Variants in PLXNB3 observed in about 807,000 individuals in gnomAD.
PLXNB3 encodes the protein plexin B3.
PLXNB3 carries 80 observed loss-of-function variants against 125.7 expected under a neutral mutation model. The observed-to-expected ratio is 0.64, with a 90% CI of 0.53 to 0.77. The LOEUF (loss-of-function observed/expected upper bound fraction) is 0.77, where lower values mean the gene tolerates loss of function less well. Among genes scored for constraint, PLXNB3 ranks in the 30% least tolerant of loss-of-function variants. PLXNB3 has a pLI of 0.00. For missense variants in PLXNB3, 1,836 were observed against 1,729.3 expected (o/e 1.06, Z -1.09); for synonymous variants, 954 against 783.3 (o/e 1.22, Z -3.64).
In PLXNB3 at chrX:153,775,947, G is replaced by A; in HGVS notation, c.4462G>A (p.Gly1488Ser). Residue 1488 changes from glycine (G) to serine (S), a missense_variant, in exon 27 of 36, where the codon GGC becomes AGC. Physicochemically the swap from Gly to Ser is moderately conservative, Grantham distance 56. Coordinates refer to ENST00000361971, the MANE Select transcript of PLXNB3 (RefSeq NM_005393.3). ...FRAIQYQVDK[G>S]PVDAVTGKAK... ...GGCCATCCAGTACCAGGTGGACAAA[G>A]GCCCCGTGGACGCCGTGACAGGCAA... 8.3e-7 allele frequency: 1 copy of A among 1,211,403 alleles called. No homozygotes were observed. The highest frequency in any genetic ancestry group is 1.1e-6 in the Non-Finnish European group (1 of 895,509).
At chrX:153,768,111 T>C in intron 3 of PLXNB3, 138 bp from the exon 4 acceptor site, 2 of 818,778 alleles carry the variant, frequency 2.4e-6, no homozygotes, top group Non-Finnish European at 1.7e-6. Context: ...CCAGGTGCCC[T>C]GGCCCTTCGG....
chrX:153,777,203 C>T lies in PLXNB3; in HGVS notation c.4928-5C>T. ...AGCCCTGAAGCCAGGCTCCTGTGCCCTCAGACATACCCACGCTGGAGGATG... is the reference window on the plus strand; with the variant it reads ...AGCCCTGAAGCCAGGCTCCTGTGCCTTCAGACATACCCACGCTGGAGGATG... On this transcript the variant is annotated splice_region_variant and splice_polypyrimidine_tract_variant and intron_variant, in intron 29 of 35. Transcript: ENST00000361971. 8.8e-7 allele frequency: 1 copy of T among 1,140,943 alleles called. No individual in the cohort carries two copies. Among genetic ancestry groups the T allele is most frequent in the Middle Eastern group, 2.4e-4 (1 of 4,180 alleles). 94.0% of individuals were successfully genotyped at this position (1,140,943 alleles called of 1,213,427 possible).
intron 4 of PLXNB3, 93 bp downstream of exon 4, chrX:153,768,521 C>G (rs2091885445): frequency 2.3e-6 from 2 of 869,670 alleles, no homozygotes; most frequent in East Asian, 7.0e-5. Context: ...AGCCCGCATC[C>G]CACGGTTGGG....
rs1219403263 is a variant in PLXNB3, at chrX:153,772,773, G to A, written c.2776-113G>A. 11 of 1,038,936 alleles carry A rather than the reference G, an allele frequency of 1.1e-5. No individual in the cohort carries two copies. In the East Asian group the frequency reaches 3.7e-4, roughly 35 times the overall value. 85.6% of individuals were successfully genotyped at this position (1,038,936 alleles called of 1,213,427 possible). A position where few individuals can be genotyped will look rare whatever the true frequency, so the allele number is the denominator to read the frequency against. On this transcript the variant is annotated intron_variant, in intron 16 of 35. Coordinates refer to ENST00000361971, the MANE Select transcript of PLXNB3 (RefSeq NM_005393.3). ...GCGTGGTCCACTTTGGCCCCAGGAG[G>A]TGAAGTCCAGAGATGACCTGCGCTT...
In PLXNB3 at chrX:153,773,236, G is replaced by A. The variant is rs781854042; in HGVS notation, c.2913G>A (p.Glu971=). 8 of 1,203,411 alleles carry A rather than the reference G, an allele frequency of 6.6e-6. No homozygotes were observed. Among genetic ancestry groups the A allele is most frequent in the Admixed American group, 4.4e-5 (2 of 45,494 alleles). ...CCCACTACCCATCCTGCAGCCTGGA[G>A]CCAGTGTGTCCGGAGGCCATCGTGT... ...FVGGQPCPIL[E]PVCPEAIVCR... is the part of the protein sequence containing the mutation. Residue 971 remains glutamate, a synonymous_variant, in exon 18 of 36, where the codon GAG becomes GAA. Coordinates refer to ENST00000361971, the MANE Select transcript of PLXNB3 (RefSeq NM_005393.3).
intron 35 of PLXNB3, 21 bp from the exon 36 acceptor site, chrX:153,778,914 C>A (rs2071121): frequency 0.18 from 204,602 of 1,132,998 alleles, 13,111 homozygotes; most frequent in Middle Eastern, 0.28. Flanking sequence ...CTCAGACAGG[C>A]ACCCTCCTCT....
chrX:153,774,159 C>T (rs1185583656), intron 20 of PLXNB3, 27 bp from the exon 21 acceptor site: 10 of 1,200,715 alleles, frequency 8.3e-6, no homozygotes, highest in East Asian at 3.0e-5. Flanking sequence ...TGGGGGCCAG[C>T]GGCTTAGGCT....
Position 153,778,439 on chromosome X carries a change from G to A in PLXNB3, c.5518G>A (p.Glu1840Lys). 3.3e-6 allele frequency: 4 copies of A among 1,211,543 alleles called. No homozygotes were observed. The highest frequency in any genetic ancestry group is 4.5e-6 in the Non-Finnish European group (4 of 895,459). The change falls in exon 34 of 36, where the codon GAG becomes AAG. Residue 1840 changes from glutamate to lysine, a missense_variant. Glu to Lys is a moderately conservative substitution (Grantham distance 56, BLOSUM62 1). Transcript: ENST00000361971. The stretch of plus-strand genomic sequence containing the variant: ...CCAGAGCTCTCCGGCGAGCTACCAG[G>A]AGATGAACTCTGCTTTGGCTGAGCT... ...IRQSSPASYQ[E>K]MNSALAELSG... is the part of the protein sequence containing the mutation.
intron 2 of PLXNB3, 39 bp downstream of exon 2, chrX:153,765,619 G>T: frequency 8.5e-7 from 1 of 1,174,114 alleles, no homozygotes; most frequent in East Asian, 3.2e-5. Context: ...AATGTTCCTG[G>T]GAGGGGCAGG....
In PLXNB3 at chrX:153,770,317, GC is replaced by G. The variant is rs781918801; in HGVS notation, c.1787-16del. The G allele has an allele frequency of 1.8e-5, 22 of 1,201,126 alleles. No individual in the cohort carries two copies. Among genetic ancestry groups the G allele is most frequent in the Non-Finnish European group, 2.4e-5 (21 of 888,313 alleles). On this transcript the variant is annotated intron_variant, in intron 8 of 35. Transcript: ENST00000361971. ...GGTAATGAGCCACCTGACCTGTCCT[GC>G]CCCCACTGTCCCCTCCCAGACCACG...
At chrX:153,777,174 G>A (rs782600502) in intron 29 of PLXNB3, 34 bp from the exon 30 acceptor site, 4 of 1,120,563 alleles carry the variant, frequency 3.6e-6, no homozygotes, top group Middle Eastern at 2.4e-4. Flanking sequence ...GGGGCAGGGG[G>A]TATAGCCCTG....
At chrX:153,769,104 C>A in intron 5 of PLXNB3, 28 bp downstream of exon 5, 1 of 1,204,090 alleles carries the variant, frequency 8.3e-7, no homozygotes, top group Non-Finnish European at 1.1e-6. Context: ...GCTGAAGGGG[C>A]CAGCACACGC....
rs782254007 is a variant in PLXNB3 at position 153,773,496 on chromosome X, C to T, written c.3084-22C>T. 3.1e-5 allele frequency: 37 copies of T among 1,186,087 alleles called. No homozygotes were observed. The South Asian group carries it at 6.1e-4, about 20-fold the overall frequency. ...CTATGTTGCCCACCGCCCGCCCACA[C>T]CCGACTGCCATCCTGGTACAGGGGT... is the stretch of plus-strand genomic sequence containing the variant. On this transcript the variant is annotated intron_variant, in intron 18 of 35. Transcript: ENST00000361971.
chrX:153,767,020 A>G lies in PLXNB3; in HGVS notation c.193A>G (p.Thr65Ala). ...NHLALAPGRG[T>A]LYVGAVNRLF... ...CTTGGCACTGGCACCTGGCCGAGGC[A>G]CACTCTATGTCGGCGCAGTGAACCG... Residue 65 changes from threonine to alanine, a missense_variant, in exon 3 of 36, where the codon ACA becomes GCA. Physicochemically the swap from Thr to Ala is moderately conservative, Grantham distance 58. Transcript: ENST00000361971. The G allele has an allele frequency of 1.7e-6, 2 of 1,210,933 alleles. No homozygotes were observed. Among genetic ancestry groups the G allele is most frequent in the Non-Finnish European group, 2.2e-6 (2 of 895,511 alleles).
chrX:153,770,470 G>A lies in PLXNB3; in HGVS notation c.1895+24G>A, dbSNP rs1557061294. ...CCGTGAGTCCCTGGGCCTGCCTCCTGGGGTAGGGGTGGCGACCCCAGAGGG... is the reference window on the plus strand; with the variant it reads ...CCGTGAGTCCCTGGGCCTGCCTCCTAGGGTAGGGGTGGCGACCCCAGAGGG... On this transcript the variant is annotated intron_variant, in intron 9 of 35. Coordinates refer to ENST00000361971, the MANE Select transcript of PLXNB3 (RefSeq NM_005393.3). 4 of 1,200,517 alleles carry A rather than the reference G, an allele frequency of 3.3e-6. No individual in the cohort carries two copies. The South Asian group carries it at 7.1e-5, about 21-fold the overall frequency.
In PLXNB3 at chrX:153,775,897, G is replaced by A; in HGVS notation, c.4412G>A (p.Gly1471Asp). 8.3e-7 allele frequency: 1 copy of A among 1,205,912 alleles called. No individual in the cohort carries two copies. Among genetic ancestry groups the A allele is most frequent in the Non-Finnish European group, 1.1e-6 (1 of 891,730 alleles). Residue 1471 changes from glycine (G) to aspartate (D), a missense_variant, in exon 27 of 36, where the codon GGT becomes GAT. Physicochemically the swap from Gly to Asp is moderately conservative, Grantham distance 94. Transcript: ENST00000361971. ...CLYAFLREVA[G>D]EPLYMLFRAI... ...ATCTTGGCAGTGCAGGAGGTGGCTG[G>A]TGAACCACTGTACATGCTCTTCCGG...
chrX:153,774,381 G>A (rs1214398075), intron 21 of PLXNB3, 37 bp downstream of exon 21: 1 of 1,157,551 alleles, frequency 8.6e-7, no homozygotes, highest in Non-Finnish European at 1.2e-6. Flanking sequence ...TGGACCGGGT[G>A]CCGCCAGCAT....
In PLXNB3 at chrX:153,779,035, T is replaced by G. The variant is rs1177987495; in HGVS notation, c.5726T>G (p.Leu1909Arg). 1 of 1,167,781 alleles carries G rather than the reference T, an allele frequency of 8.6e-7. No homozygotes were observed. Among genetic ancestry groups the G allele is most frequent in the South Asian group, 2.0e-5 (1 of 51,252 alleles). ...CTGGTGGAAAACAAAGTGACTGACCTGTGAGCTCTGGCTCAGACAGCAGCA... is the reference window on the plus strand; with the variant it reads ...CTGGTGGAAAACAAAGTGACTGACCGGTGAGCTCTGGCTCAGACAGCAGCA... ...AALVENKVTD[L>R] The change falls in exon 36 of 36, where the codon CTG (leucine) becomes CGG (arginine). Residue 1909 changes from leucine (L) to arginine (R), a missense_variant. Coordinates refer to ENST00000361971, the MANE Select transcript of PLXNB3 (RefSeq NM_005393.3).
intron 26 of PLXNB3, 29 bp downstream of exon 26, chrX:153,775,689 G>T: frequency 8.5e-7 from 1 of 1,179,868 alleles, no homozygotes; most frequent in Non-Finnish European, 1.2e-6. Flanking sequence ...CCTGCTCCCA[G>T]CCCTGAGTGG....
Sources: allele counts gnomAD v4.1 joint callset, GRCh38; gene constraint gnomAD v4.1.1; transcripts MANE v1.5; gene names NCBI Gene and HGNC (gene_info 2026-07-23, HGNC 2026-07-21).